The following NMNAT2 variants were observed in gnomAD, a reference collection of about 807,000 sequenced individuals.
NMNAT2 encodes nicotinamide nucleotide adenylyltransferase 2, also known as nicotinamide/nicotinic acid mononucleotide adenylyltransferase 2.
NMNAT2 carries 11 observed loss-of-function variants against 41.6 expected under a neutral mutation model. The ratio of observed to expected loss-of-function variants is 0.26; its 90% CI spans 0.17 to 0.44. NMNAT2 has a LOEUF of 0.44. Ranked by LOEUF, NMNAT2 falls within the 20% of genes least tolerant of loss-of-function variation. NMNAT2 has a pLI of 1.00. For synonymous variants in NMNAT2, 148 were observed against 151.2 expected, an observed-to-expected ratio of 0.98 and a Z score of 0.16; for missense variants, 288 against 407.7, an observed-to-expected ratio of 0.71 and a Z score of 2.53.
At chr1:183,267,689 A>G (rs1660853547) in intron 8 of NMNAT2, among the ~76,000 whole-genome samples, 1 of 152,056 alleles carries the variant, frequency 6.6e-6, no homozygotes, top group Admixed American at 6.5e-5. Flanking sequence ...CGCCTGCAGG[A>G]GTGTGCCCAG....
chr1:183,372,515 T>G (rs1663572488), intron 1 of NMNAT2, among the ~76,000 whole-genome samples: 1 of 152,194 alleles, frequency 6.6e-6, no homozygotes, highest in Non-Finnish European at 1.5e-5. Flanking sequence ...ATTACCTGTG[T>G]TAGCCACCTG....
chr1:183,301,199 C>T (rs1661842107), intron 1 of NMNAT2, among the ~76,000 whole-genome samples: 1 of 152,236 alleles, frequency 6.6e-6, no homozygotes, highest in African/African-American at 2.4e-5. Flanking sequence ...CAGGCTTTGC[C>T]TGAGATTCAG....
At chr1:183,353,372 C>T (rs1045623544) in intron 1 of NMNAT2, among the ~76,000 whole-genome samples, 1 of 152,166 alleles carries the variant, frequency 6.6e-6, no homozygotes, top group African/African-American at 2.4e-5. Flanking sequence ...CCGAAACAGT[C>T]AGTAGGATCT....
At chr1:183,323,910 G>C in intron 1 of NMNAT2, among the ~76,000 whole-genome samples, 1 of 152,228 alleles carries the variant, frequency 6.6e-6, no homozygotes, top group Non-Finnish European at 1.5e-5. Flanking sequence ...CTCAGAGGCT[G>C]GGGTGGAAGA....
chr1:183,377,100 C>A (rs1663695205), intron 1 of NMNAT2, among the ~76,000 whole-genome samples: 1 of 151,982 alleles, frequency 6.6e-6, no homozygotes, highest in Non-Finnish European at 1.5e-5. Flanking sequence ...AGTCCGAAGG[C>A]ACTGGTGGAA....
At chr1:183,359,964 T>C (rs557036362) in intron 1 of NMNAT2, among the ~76,000 whole-genome samples, 2 of 152,304 alleles carry the variant, frequency 1.3e-5, no homozygotes, top group South Asian at 2.1e-4. Flanking sequence ...CTCATCCTTA[T>C]ATATAGTTAA....
intron 7 of NMNAT2, among the ~76,000 whole-genome samples, chr1:183,278,963 G>A (rs1476119856): frequency 6.6e-6 from 1 of 152,206 alleles, no homozygotes; most frequent in East Asian, 1.9e-4. Context: ...AACTGTGGCT[G>A]AGCCAGCTAC....
At chr1:183,289,047 A>C (rs998557168) in intron 4 of NMNAT2, among the ~76,000 whole-genome samples, 6 of 152,224 alleles carry the variant, frequency 3.9e-5, no homozygotes, top group African/African-American at 1.4e-4. Flanking sequence ...GGACGGAGCA[A>C]TGAAGCGCCA....
intron 1 of NMNAT2, among the ~76,000 whole-genome samples, chr1:183,324,795 C>T (rs1662426415): frequency 6.6e-6 from 1 of 152,144 alleles, no homozygotes; most frequent in Non-Finnish European, 1.5e-5. Context: ...GTACTTCTTC[C>T]CTCATCTTTG....
At chr1:183,292,750 CT>C in intron 3 of NMNAT2, 39 bp downstream of exon 3, 1 of 1,588,760 alleles carries the variant, frequency 6.3e-7, no homozygotes, top group Non-Finnish European at 8.6e-7. Context: ...CCCAGTAAGT[CT>C]CCGGGCCACT....
chr1:183,283,032 G>C (rs1661308141), intron 7 of NMNAT2: 1 of 152,222 alleles, frequency 6.6e-6, no homozygotes, highest in South Asian at 2.1e-4. Flanking sequence ...CTGCACCTCA[G>C]ATGAGAGGAT....
intron 1 of NMNAT2, among the ~76,000 whole-genome samples, chr1:183,303,690 C>T (rs1030422915): frequency 4.6e-5 from 7 of 152,250 alleles, no homozygotes; most frequent in African/African-American, 1.7e-4. Context: ...CCTCCCTCTT[C>T]AAGTTGTCCA....
intron 1 of NMNAT2, among the ~76,000 whole-genome samples, chr1:183,383,338 A>G (rs1016801246): frequency 6.6e-6 from 1 of 152,212 alleles, no homozygotes; most frequent in African/African-American, 2.4e-5. Flanking sequence ...GCTTCCACCA[A>G]GGTCTCTGGA....
chr1:183,287,939 C>T (rs1201343193), intron 4 of NMNAT2, among the ~76,000 whole-genome samples: 2 of 152,200 alleles, frequency 1.3e-5, no homozygotes, highest in Non-Finnish European at 2.9e-5. Context: ...CTTTGTAAGA[C>T]TCCTGATAGG....
intron 1 of NMNAT2, among the ~76,000 whole-genome samples, chr1:183,304,020 C>T (rs1661933334): frequency 6.6e-6 from 1 of 152,248 alleles, no homozygotes; most frequent in Non-Finnish European, 1.5e-5. Context: ...CCTCTCTCTG[C>T]CCTCATACCC....
intron 7 of NMNAT2, among the ~76,000 whole-genome samples, chr1:183,279,662 C>T (rs1661210750): frequency 6.6e-6 from 1 of 152,150 alleles, no homozygotes; most frequent in South Asian, 2.1e-4. Flanking sequence ...AAGCTGTCCC[C>T]TGCTGTGGAA....
intron 1 of NMNAT2, among the ~76,000 whole-genome samples, chr1:183,307,271 C>T (rs1662014262): frequency 6.6e-6 from 1 of 151,016 alleles, no homozygotes; most frequent in South Asian, 2.1e-4. Context: ...ACCCTGGTAT[C>T]TTCTCTCCTC....
intron 8 of NMNAT2, among the ~76,000 whole-genome samples, chr1:183,275,950 G>A (rs527424722): frequency 3.2e-4 from 49 of 152,326 alleles, no homozygotes; most frequent in South Asian, 2.3e-3. Context: ...GGGATTACAG[G>A]TGTAATACGC....
At chr1:183,375,896 G>A (rs1663668616) in intron 1 of NMNAT2, among the ~76,000 whole-genome samples, 1 of 152,118 alleles carries the variant, frequency 6.6e-6, no homozygotes, top group African/African-American at 2.4e-5. Context: ...AGAACAACCT[G>A]TGCTGTGTAG....
Sources: allele counts gnomAD v4.1 joint callset (sites outside exome capture counted in the v4.1 genomes callset), GRCh38; gene constraint gnomAD v4.1.1; transcripts MANE v1.5; gene names NCBI Gene and HGNC (gene_info 2026-07-23, HGNC 2026-07-21).